The following EMP2 variants were observed in gnomAD, a reference collection of about 807,000 sequenced individuals.
The protein encoded by EMP2 is epithelial membrane protein 2.
In EMP2, 19 loss-of-function variants were observed where a neutral mutation model predicts 13.7. The ratio of observed to expected loss-of-function variants is 1.38; its 90% confidence interval spans 0.97 to 2.03. The LOEUF is 2.03. Ranked by LOEUF, EMP2 falls within the 30% of genes most tolerant of loss-of-function variation. The probability of loss-of-function intolerance (pLI) is 0.00; values close to 1 mark genes in which losing one functional copy is unlikely to be tolerated. For synonymous variants in EMP2, 97 were observed against 84.7 expected, an observed-to-expected ratio of 1.15 and a Z score of -0.80; for missense variants, 253 against 220.7, an observed-to-expected ratio of 1.15 and a Z score of -0.93.
chr16:10,541,155 C>T (rs1198262781), intron 3 of EMP2, among the ~76,000 whole-genome samples: 3 of 151,852 alleles, frequency 2.0e-5, no homozygotes, highest in Non-Finnish European at 4.4e-5. Flanking sequence ...AAAACCCCAG[C>T]ACTTTGGGAG....
intron 4 of EMP2, among the ~76,000 whole-genome samples, chr16:10,536,514 C>T (rs1229835497): frequency 6.6e-6 from 1 of 152,180 alleles, no homozygotes; most frequent in Non-Finnish European, 1.5e-5. Flanking sequence ...GCTCTCTTTC[C>T]CGCTGCCATG....
In EMP2 at chr16:10,538,933, A is replaced by C. The variant is rs557286306; in HGVS notation, c.170-859T>G. ...TGGGCCCAAGTGATCCTCCTGCCTC[A>C]GCCTCCTGTGTAGCTGGGACTACAG... On this transcript the variant is annotated intron_variant, in intron 3 of 4. Coordinates refer to ENST00000359543, the MANE Select transcript of EMP2 (RefSeq NM_001424.6). 1.2e-4 allele frequency among the ~76,000 whole-genome samples: 19 copies of C among 152,188 alleles called. 1 individual carries two copies. The South Asian group carries it at 3.7e-3, about 30-fold the overall frequency.
rs750479113 is a variant in EMP2, at chr16:10,538,054, C to T, written c.190G>A (p.Val64Ile). Residue 64 changes from valine (V) to isoleucine (I), a missense_variant, in exon 4 of 5, where the codon GTC becomes ATC. By Grantham distance (29) the Val-to-Ile change is conservative. Coordinates refer to ENST00000359543, the MANE Select transcript of EMP2 (RefSeq NM_001424.6). ...GTGGAGAGGATCATGGTGGCCTGGACCGCCTGCAGCGTGGAGTACTCTGCG... is the reference window on the plus strand; with the variant it reads ...GTGGAGAGGATCATGGTGGCCTGGATCGCCTGCAGCGTGGAGTACTCTGCG... ...SFQEYSTLQA[V>I]QATMILSTIL... The T allele has an allele frequency of 3.1e-6, 5 of 1,613,888 alleles. No homozygotes were observed. In the South Asian group the frequency reaches 5.5e-5, roughly 18 times the overall value.
At chr16:10,535,854 G>A (rs1219841262) in intron 4 of EMP2, among the ~76,000 whole-genome samples, 3 of 152,196 alleles carry the variant, frequency 2.0e-5, no homozygotes, top group Non-Finnish European at 4.4e-5. Flanking sequence ...AGGGTCCTTG[G>A]GAAGAACGCA....
chr16:10,548,754 T>C (rs2050759445), intron 1 of EMP2, among the ~76,000 whole-genome samples: 1 of 152,034 alleles, frequency 6.6e-6, no homozygotes, highest in African/African-American at 2.4e-5. Context: ...TCAGACACCA[T>C]TCTTCTTAAT....
chr16:10,561,311 A>G (rs2050869547), intron 1 of EMP2, among the ~76,000 whole-genome samples: 1 of 152,244 alleles, frequency 6.6e-6, no homozygotes, highest in Non-Finnish European at 1.5e-5. Context: ...GTAGTTGGAA[A>G]TATAGTCAGG....
intron 4 of EMP2, among the ~76,000 whole-genome samples, chr16:10,535,909 G>A (rs372054618): frequency 9.5e-4 from 144 of 152,262 alleles, no homozygotes; most frequent in African/African-American, 3.2e-3. Context: ...GCTCTCCAAC[G>A]CTTGGCTCAG....
intron 1 of EMP2, among the ~76,000 whole-genome samples, chr16:10,574,291 T>C (rs1189789398): frequency 6.6e-6 from 1 of 152,168 alleles, no homozygotes; most frequent in South Asian, 2.1e-4. Context: ...GATGGATATT[T>C]AGGTTGCTTC....
intron 3 of EMP2, among the ~76,000 whole-genome samples, chr16:10,539,613 T>A (rs2050678636): frequency 6.6e-6 from 1 of 152,092 alleles, no homozygotes; most frequent in African/African-American, 2.4e-5. Context: ...TTCTCTGTCT[T>A]CTTTTGGATG....
intron 3 of EMP2, among the ~76,000 whole-genome samples, chr16:10,538,553 C>G (rs1323244260): frequency 6.6e-6 from 1 of 152,114 alleles, no homozygotes; most frequent in Non-Finnish European, 1.5e-5. Flanking sequence ...CTGTAGGTAT[C>G]GGAGGCTGAT....
At chr16:10,548,080 C>T (rs1283934665) in intron 1 of EMP2, among the ~76,000 whole-genome samples, 1 of 152,122 alleles carries the variant, frequency 6.6e-6, no homozygotes, top group African/African-American at 2.4e-5. Context: ...AAAGCAAAAA[C>T]AGTGCTCCCC....
chr16:10,575,348 G>A (rs1596383983), intron 1 of EMP2, among the ~76,000 whole-genome samples: 3 of 138,566 alleles, frequency 2.2e-5, no homozygotes, highest in Admixed American at 1.6e-4. Flanking sequence ...CCGCCTCCCG[G>A]GTTCACGCCA....
At chr16:10,541,021 G>A (rs987071840) in intron 3 of EMP2, among the ~76,000 whole-genome samples, 1 of 151,988 alleles carries the variant, frequency 6.6e-6, no homozygotes, top group African/African-American at 2.4e-5. Context: ...CTGGGGGGCA[G>A]AGGTTACAGT....
chr16:10,561,314 T>C (rs995532291), intron 1 of EMP2, among the ~76,000 whole-genome samples: 2 of 152,198 alleles, frequency 1.3e-5, no homozygotes, highest in African/African-American at 2.4e-5. Flanking sequence ...GTTGGAAATA[T>C]AGTCAGGACT....
chr16:10,554,509 A>C (rs2050812872), intron 1 of EMP2, among the ~76,000 whole-genome samples: 1 of 152,102 alleles, frequency 6.6e-6, no homozygotes, highest in South Asian at 2.1e-4. Flanking sequence ...CCCATGTTGC[A>C]TCCTGCCCTC....
chr16:10,549,977 C>T (rs1425412410), intron 1 of EMP2, among the ~76,000 whole-genome samples: 9 of 150,356 alleles, frequency 6.0e-5, no homozygotes, highest in African/African-American at 2.2e-4. Flanking sequence ...CCTCTGCCTC[C>T]CAGGTTCAAG....
rs532585295 is a variant in EMP2 at position 10,544,595 on chromosome 16, G to A, written c.79-935C>T. The A allele has an allele frequency of 2.6e-5, 4 of 152,334 alleles. No individual in the cohort carries two copies. The South Asian group carries it at 8.4e-4, about 32-fold the overall frequency. The allele number at this position is 152,334 out of a possible 1,614,324, so 9.4% of individuals were successfully genotyped here. ...GAGAAAAGATGAGGCTGAGTTGCTG[G>A]AAGTAATAGCAGTCAGGGGTGGGCA... On this transcript the variant is annotated intron_variant, in intron 2 of 4. Transcript: ENST00000359543.
intron 1 of EMP2, among the ~76,000 whole-genome samples, chr16:10,551,227 C>A (rs1034281097): frequency 6.6e-6 from 1 of 152,056 alleles, no homozygotes; most frequent in Admixed American, 6.5e-5. Context: ...TATTTCATAT[C>A]GTTGGAATCA....
chr16:10,538,130 G>A (rs974355254), intron 3 of EMP2, 56 bp from the exon 4 acceptor site: 2 of 1,595,310 alleles, frequency 1.3e-6, no homozygotes, highest in African/African-American at 2.7e-5. Flanking sequence ...CGGCACTGTG[G>A]GGTACACAGC....
Sources: allele counts gnomAD v4.1 joint callset (sites outside exome capture counted in the v4.1 genomes callset), GRCh38; gene constraint gnomAD v4.1.1; transcripts MANE v1.5; gene names NCBI Gene and HGNC (gene_info 2026-07-23, HGNC 2026-07-21).